Variants in SLC23A2 observed in about 807,000 individuals in gnomAD.
The protein encoded by SLC23A2 is Na(+)/L-ascorbic acid transporter 2.
In SLC23A2, 36 loss-of-function variants were observed where a neutral mutation model predicts 73.3. The observed-to-expected ratio is 0.49, with a 90% CI of 0.38 to 0.65. The LOEUF (loss-of-function observed/expected upper bound fraction) is 0.65. Among genes scored for constraint, SLC23A2 ranks in the 30% least tolerant of loss-of-function variants. The pLI is 0.00. For synonymous variants in SLC23A2, 343 were observed against 327.3 expected (o/e 1.05, Z -0.52); for missense variants, 507 against 841.6 (o/e 0.60, Z 4.92).
At chr20:4,907,705 G>GTCAGAACAAGGAAAAAAGAATATAGA (rs1742737126) in intron 4 of SLC23A2, among the ~76,000 whole-genome samples, 1 of 151,920 alleles carries the variant, frequency 6.6e-6, no homozygotes, top group African/African-American at 2.4e-5. Flanking sequence ...AGTGTTAAAT[G>GTCAGAACAAGGAAAAAAGAATATAGA]TCAGAACAAG....
At chr20:4,961,518 T>C (rs1168151780) in intron 2 of SLC23A2, among the ~76,000 whole-genome samples, 1 of 152,242 alleles carries the variant, frequency 6.6e-6, no homozygotes. Flanking sequence ...AATTCGTAAC[T>C]TTCTTAAAAC....
chr20:4,889,131 T>A (rs1361762037), intron 6 of SLC23A2, among the ~76,000 whole-genome samples: 1 of 152,064 alleles, frequency 6.6e-6, no homozygotes, highest in Non-Finnish European at 1.5e-5. Context: ...CTAATCATGG[T>A]CACATATAAG....
At chr20:4,859,190 C>G in intron 16 of SLC23A2, 99 bp downstream of exon 16, 1 of 748,544 alleles carries the variant, frequency 1.3e-6, no homozygotes, top group Non-Finnish European at 2.4e-6. Context: ...GCTTTGAACT[C>G]ATTTACTCTT....
chr20:5,010,093 T>TCAA (rs2088234083), intron 1 of SLC23A2: 1 of 106,802 alleles, frequency 9.4e-6, no homozygotes, highest in Non-Finnish European at 1.8e-5. Context: ...AGACTCCGTC[T>TCAA]CAAAAAAAAA....
chr20:4,890,291 T>G (rs1483324603), intron 6 of SLC23A2, among the ~76,000 whole-genome samples: 1 of 152,160 alleles, frequency 6.6e-6, no homozygotes, highest in African/African-American at 2.4e-5. Flanking sequence ...ATGTAACAGG[T>G]TTGGCTTTGA....
At chr20:4,867,703 C>G (rs912008888) in intron 13 of SLC23A2, 67 bp downstream of exon 13, 2 of 866,606 alleles carry the variant, frequency 2.3e-6, no homozygotes, top group Admixed American at 2.1e-5. Flanking sequence ...CTTGCAGTGG[C>G]CAGATCGATC....
chr20:4,971,299 AACACACACAC>A (rs35758430), intron 1 of SLC23A2, among the ~76,000 whole-genome samples: 9 of 142,422 alleles, frequency 6.3e-5, no homozygotes, highest in African/African-American at 7.9e-5. Flanking sequence ...GTCTCTACAA[AACACACACAC>A]ACACACACAC....
At chr20:4,966,874 C>T (rs2087485201) in intron 2 of SLC23A2, among the ~76,000 whole-genome samples, 1 of 149,786 alleles carries the variant, frequency 6.7e-6, no homozygotes, top group African/African-American at 2.5e-5. Context: ...CCATCTTTAT[C>T]CAAACATCAA....
chr20:5,006,256 C>T (rs2088189979), upstream of SLC23A2, among the ~76,000 whole-genome samples: 1 of 151,586 alleles, frequency 6.6e-6, no homozygotes, highest in Non-Finnish European at 1.5e-5. Context: ...TGCCACCGCA[C>T]CCAGCTAATT....
intron 3 of SLC23A2, among the ~76,000 whole-genome samples, chr20:4,926,548 TGCCATG>T (rs1568627581): frequency 6.6e-6 from 1 of 150,842 alleles, no homozygotes; most frequent in Non-Finnish European, 1.5e-5. Context: ...TCCTGTTTCT[TGCCATG>T]GGCATTCACC....
Position 4,859,392 on chromosome 20 carries a change from G to T in SLC23A2, c.1625-8C>A. On this transcript the variant is annotated splice_region_variant and splice_polypyrimidine_tract_variant and intron_variant, in intron 15 of 16. Transcript: ENST00000338244. The stretch of plus-strand genomic sequence containing the variant: ...GATCGATTCCTGTTATCCCTAGAAA[G>T]AGAACACAGCCATAAACGATCAGTG... 6.3e-7 allele frequency: 1 copy of T among 1,588,996 alleles called. No individual in the cohort carries two copies. The highest frequency in any genetic ancestry group is 8.6e-7 in the Non-Finnish European group (1 of 1,157,166).
At position 4,899,412 on chromosome 20, in the gene SLC23A2, G is replaced by T; in HGVS notation, c.482+143C>A. ...AAATGACTGGGAGGAACACTGAGGG[G>T]TGGGGACCAACGGCCACTAGGACAT... is the stretch of plus-strand genomic sequence containing the variant. On this transcript the variant is annotated intron_variant, in intron 6 of 16. Coordinates refer to ENST00000338244, the MANE Select transcript of SLC23A2 (RefSeq NM_005116.6). The surrounding 1 kb of genome is among the most constrained non-coding windows in gnomAD (Gnocchi z 4.9). 1.1e-6 allele frequency: 1 copy of T among 873,872 alleles called. No homozygotes were observed. The highest frequency in any genetic ancestry group is 1.8e-6 in the Non-Finnish European group (1 of 540,622). 54.1% of individuals were successfully genotyped at this position (873,872 alleles called of 1,614,324 possible). A position where few individuals can be genotyped will look rare whatever the true frequency, so the allele number is the denominator to read the frequency against.
Position 4,960,235 on chromosome 20 carries a change from C to T in SLC23A2, c.-155+10558G>A, listed in dbSNP as rs549232723. Among the ~76,000 whole-genome samples, 11 of 152,264 alleles carry T rather than the reference C, an allele frequency of 7.2e-5. No homozygotes were observed. In the South Asian group the frequency reaches 2.3e-3, roughly 32 times the overall value. On this transcript the variant is annotated intron_variant, in intron 2 of 16. Coordinates refer to ENST00000338244, the MANE Select transcript of SLC23A2 (RefSeq NM_005116.6). ...ATCATTTCACATTCATCAGATAAGG[C>T]TAGAATAAGAGTTTAGTAATATGAA...
chr20:4,929,993 A>C (rs1343997460), intron 3 of SLC23A2, among the ~76,000 whole-genome samples: 1 of 152,246 alleles, frequency 6.6e-6, no homozygotes, highest in African/African-American at 2.4e-5. Flanking sequence ...TCTTAAATGA[A>C]AAGCAAACTA....
At chr20:4,975,082 G>A (rs1281035519) in intron 1 of SLC23A2, among the ~76,000 whole-genome samples, 2 of 151,872 alleles carry the variant, frequency 1.3e-5, no homozygotes, top group African/African-American at 4.8e-5. Context: ...CACCGTGCCT[G>A]GCCAAAAACT....
At chr20:4,878,593 G>C (rs1232980909) in intron 9 of SLC23A2, among the ~76,000 whole-genome samples, 1 of 152,054 alleles carries the variant, frequency 6.6e-6, no homozygotes, top group African/African-American at 2.4e-5. Context: ...CCTCCCTTAG[G>C]ATTAAAAACT....
chr20:4,886,155 G>T (rs577977096), intron 6 of SLC23A2, among the ~76,000 whole-genome samples: 1 of 152,324 alleles, frequency 6.6e-6, no homozygotes, highest in South Asian at 2.1e-4. Context: ...CCCGTGGTCA[G>T]TGCCAACACC....
intron 11 of SLC23A2, 190 bp downstream of exon 11, chr20:4,873,746 A>T: frequency 2.0e-6 from 1 of 504,534 alleles, no homozygotes; most frequent in East Asian, 3.3e-5. Context: ...GGAGCCGGTC[A>T]GTCTCTGTGT....
chr20:4,985,450 AT>A (rs372176082), intron 1 of SLC23A2, among the ~76,000 whole-genome samples: 3,213 of 144,106 alleles, frequency 0.022, 71 homozygotes, highest in South Asian at 0.15. Context: ...AAAAAACCAC[AT>A]TTTTTTTTTT....
Sources: gnomAD v4.1 joint callset for allele counts (sites outside exome capture counted in the v4.1 genomes callset) on GRCh38, gnomAD v4.1.1 for gene constraint, Gnocchi (gnomAD v3.1) non-coding constraint, MANE v1.5 for transcripts, NCBI Gene and HGNC (gene_info 2026-07-23, HGNC 2026-07-21) for gene names.